The following AOAH variants were observed in gnomAD, a reference collection of about 807,000 sequenced individuals.
AOAH encodes the protein acyloxyacyl hydrolase, also known as acyloxyacyl hydrolase (neutrophil).
A neutral mutation model predicts 92.2 loss-of-function variants in AOAH; 64 were observed. The ratio of observed to expected loss-of-function variants is 0.69; its 90% CI spans 0.57 to 0.86. The LOEUF is 0.86. AOAH is among the 40% of genes least tolerant of loss of function. AOAH has a pLI of 0.00. For missense variants in AOAH, 656 were observed against 694.6 expected (o/e 0.94, Z 0.62); for synonymous variants, 263 against 254.5 (o/e 1.03, Z -0.32).
intron 13 of AOAH, chr7:36,550,250 G>A (rs9638924): frequency 0.35 from 53,272 of 151,884 alleles, 10,084 homozygotes; most frequent in Middle Eastern, 0.43. Flanking sequence ...CCAGCTACTC[G>A]GGAGGCTGAC....
chr7:36,703,491 C>T (rs1467013737), intron 1 of AOAH, among the ~76,000 whole-genome samples: 1 of 152,116 alleles, frequency 6.6e-6, no homozygotes, highest in African/African-American at 2.4e-5. Context: ...ATTTGCTGCA[C>T]CCATCAACCC....
intron 13 of AOAH, among the ~76,000 whole-genome samples, chr7:36,557,746 C>T (rs11762893): frequency 0.13 from 19,603 of 151,842 alleles, 1,203 homozygotes; most frequent in African/African-American, 0.15. Flanking sequence ...CATCTTCCAT[C>T]GCTGATACCC....
At position 36,530,537 on chromosome 7, in the gene AOAH, G is replaced by A. The variant is rs375931341; in HGVS notation, c.1426-23C>T. ...TCTCTGAAGAGAGAGGAAACAGGGA[G>A]AATTTCATGAAATCTAGACTTTGGC... On this transcript the variant is annotated intron_variant, in intron 18 of 20. Coordinates refer to ENST00000617537, the MANE Select transcript of AOAH (RefSeq NM_001637.4). The A allele has an allele frequency of 1.0e-4, 155 of 1,506,282 alleles. No homozygotes were observed. In the African/African-American group the frequency reaches 1.9e-3, roughly 18 times the overall value. The allele number at this position is 1,506,282 out of a possible 1,614,324, so 93.3% of individuals were successfully genotyped here.
intron 9 of AOAH, among the ~76,000 whole-genome samples, chr7:36,619,763 T>G (rs894308330): frequency 2.0e-5 from 3 of 152,162 alleles, no homozygotes; most frequent in African/African-American, 4.8e-5. Flanking sequence ...GAGGAAAATA[T>G]TTACAGAAAC....
chr7:36,519,211 G>A (rs1783983056), intron 20 of AOAH, among the ~76,000 whole-genome samples: 1 of 152,110 alleles, frequency 6.6e-6, no homozygotes, highest in African/African-American at 2.4e-5. Context: ...TCCATGATCT[G>A]GTTCCTTAAT....
chr7:36,685,407 T>G (rs1018599896), intron 2 of AOAH, among the ~76,000 whole-genome samples: 1 of 152,158 alleles, frequency 6.6e-6, no homozygotes, highest in African/African-American at 2.4e-5. Context: ...GGATGGGACT[T>G]CAGGGGAGGC....
At chr7:36,521,679 C>CT (rs780833627) in intron 20 of AOAH, among the ~76,000 whole-genome samples, 2,141 of 144,850 alleles carry the variant, frequency 0.015, 29 homozygotes, top group Middle Eastern at 0.05. Context: ...TTCTTTCTTC[C>CT]TTTTTTTTTT....
chr7:36,686,291 G>A (rs1797004057), intron 2 of AOAH, among the ~76,000 whole-genome samples: 1 of 152,096 alleles, frequency 6.6e-6, no homozygotes, highest in Non-Finnish European at 1.5e-5. Context: ...GTTCTGTGTT[G>A]GTAGGGCTAG....
intron 3 of AOAH, among the ~76,000 whole-genome samples, chr7:36,660,708 T>A (rs1010129159): frequency 2.6e-5 from 4 of 152,238 alleles, no homozygotes; most frequent in Non-Finnish European, 4.4e-5. Flanking sequence ...TTTTAAAACA[T>A]TTAGTTTACA....
intron 2 of AOAH, among the ~76,000 whole-genome samples, chr7:36,685,760 A>G (rs1796961898): frequency 6.6e-6 from 1 of 152,216 alleles, no homozygotes; most frequent in Non-Finnish European, 1.5e-5. Flanking sequence ...TATGATGTGA[A>G]TATTTTAAAA....
chr7:36,683,579 G>C (rs974192828), intron 2 of AOAH, among the ~76,000 whole-genome samples: 1 of 152,162 alleles, frequency 6.6e-6, no homozygotes, highest in African/African-American at 2.4e-5. Flanking sequence ...ACTGTTTTAT[G>C]TGCAAGGAAG....
intron 11 of AOAH, among the ~76,000 whole-genome samples, chr7:36,601,547 T>C (rs931499834): frequency 1.3e-5 from 2 of 152,232 alleles, no homozygotes; most frequent in Admixed American, 6.5e-5. Flanking sequence ...TTAATCCTTC[T>C]GTGCTTCAGT....
chr7:36,635,148 G>A (rs1274143313), intron 5 of AOAH, among the ~76,000 whole-genome samples: 1 of 152,188 alleles, frequency 6.6e-6, no homozygotes, highest in Non-Finnish European at 1.5e-5. Flanking sequence ...AACTTTGCTA[G>A]ATAGAGACAA....
intron 11 of AOAH, chr7:36,598,338 T>A (rs1034922848): frequency 2.6e-5 from 4 of 152,228 alleles, no homozygotes; most frequent in East Asian, 1.9e-4. Context: ...GGTCACTCGA[T>A]GAACTTCAAA....
At chr7:36,607,781 C>T (rs531798469) in intron 11 of AOAH, among the ~76,000 whole-genome samples, 4 of 152,334 alleles carry the variant, frequency 2.6e-5, no homozygotes, top group African/African-American at 9.6e-5. Context: ...TTTCCTTCCT[C>T]TTGCTGGCTG....
At chr7:36,706,406 T>C (rs1348866272) in intron 1 of AOAH, among the ~76,000 whole-genome samples, 2 of 152,074 alleles carry the variant, frequency 1.3e-5, no homozygotes, top group East Asian at 3.9e-4. Flanking sequence ...CACAAACAAA[T>C]TTGCCGTTAT....
intron 1 of AOAH, among the ~76,000 whole-genome samples, chr7:36,720,244 G>A (rs1799530665): frequency 6.6e-6 from 1 of 151,976 alleles, no homozygotes; most frequent in South Asian, 2.1e-4. Flanking sequence ...CTGCCTCCTG[G>A]GTTCAAGCGA....
intron 14 of AOAH, among the ~76,000 whole-genome samples, chr7:36,548,888 T>C (rs1785991822): frequency 6.6e-6 from 1 of 152,222 alleles, no homozygotes; most frequent in South Asian, 2.1e-4. Context: ...CACTTGCCTA[T>C]TAGAGAAAGG....
intron 11 of AOAH, among the ~76,000 whole-genome samples, chr7:36,606,004 A>G (rs1413439472): frequency 1.3e-5 from 2 of 152,188 alleles, no homozygotes; most frequent in African/African-American, 4.8e-5. Flanking sequence ...ATGGCTGAGG[A>G]GCAGAAGATG....
Sources: allele counts gnomAD v4.1 joint callset (sites outside exome capture counted in the v4.1 genomes callset), GRCh38; gene constraint gnomAD v4.1.1; transcripts MANE v1.5; gene names NCBI Gene and HGNC (gene_info 2026-07-23, HGNC 2026-07-21).